ASCC3: variants seen among roughly 807,000 people sequenced by gnomAD.
ASCC3 encodes the protein ASC-1 complex subunit P200.
A neutral mutation model predicts 256.3 loss-of-function variants in ASCC3; 158 were observed. The observed-to-expected ratio is 0.62, with a 90% confidence interval of 0.54 to 0.70. The LOEUF (loss-of-function observed/expected upper bound fraction) is 0.70. Among genes scored for constraint, ASCC3 ranks in the 30% least tolerant of loss-of-function variants. The pLI is 0.00. For synonymous variants in ASCC3, 948 were observed against 883.4 expected, an observed-to-expected ratio of 1.07 and a Z score of -1.30; for missense variants, 2,259 against 2,626.0, an observed-to-expected ratio of 0.86 and a Z score of 3.05.
At chr6:100,772,209 A>C (rs973030246) in intron 8 of ASCC3, among the ~76,000 whole-genome samples, 1 of 152,162 alleles carries the variant, frequency 6.6e-6, no homozygotes, top group African/African-American at 2.4e-5. Context: ...AAAGTTAAAC[A>C]AACATACACC....
At chr6:100,616,285 T>C (rs372375320) in intron 30 of ASCC3, among the ~76,000 whole-genome samples, 20 of 152,214 alleles carry the variant, frequency 1.3e-4, no homozygotes, top group African/African-American at 4.8e-4. Flanking sequence ...GGATTATGTT[T>C]AGCTTAAAAT....
At chr6:100,814,901 T>A (rs1433577814) in intron 4 of ASCC3, among the ~76,000 whole-genome samples, 2 of 152,126 alleles carry the variant, frequency 1.3e-5, no homozygotes, top group Non-Finnish European at 2.9e-5. Context: ...GAATTCTTGA[T>A]CATTTGAATA....
intron 5 of ASCC3, among the ~76,000 whole-genome samples, chr6:100,803,956 T>C (rs932034875): frequency 4.0e-5 from 6 of 151,868 alleles, no homozygotes; most frequent in Non-Finnish European, 7.4e-5. Context: ...CAAAAAACAG[T>C]GTGGTAAAGG....
intron 34 of ASCC3, among the ~76,000 whole-genome samples, chr6:100,600,203 ATG>A (rs1491335305): frequency 2.9e-5 from 3 of 102,848 alleles, no homozygotes; most frequent in Admixed American, 1.1e-4. Flanking sequence ...ACACATGCAC[ATG>A]CACACACACA....
rs1414815380 is a variant in ASCC3, at chr6:100,540,226, T to C, written c.5712A>G (p.Leu1904=). ...LLQAHLSRAM[L]PCPDYDTDTK... ...TATCAGTGTCATAATCTGGGCAGGG[T>C]AGCATGGCTCGGCTGAGATGTGCCT... The change falls in exon 37 of 42, where the codon CTA becomes CTG. Residue 1904 remains leucine (L), a synonymous_variant. Transcript: ENST00000369162. The C allele has an allele frequency of 2.5e-6, 4 of 1,614,126 alleles. No homozygotes were observed. Among genetic ancestry groups the C allele is most frequent in the African/African-American group, 2.7e-5 (2 of 75,032 alleles).
At chr6:100,532,335 C>CGCGT (rs1333096090) in intron 37 of ASCC3, among the ~76,000 whole-genome samples, 2 of 99,830 alleles carry the variant, frequency 2.0e-5, no homozygotes, top group Non-Finnish European at 3.7e-5. Context: ...TGCTATCTTG[C>CGCGT]GTGTGTGTGT....
chr6:100,577,264 A>G (rs549433372), intron 36 of ASCC3, among the ~76,000 whole-genome samples: 2 of 152,022 alleles, frequency 1.3e-5, no homozygotes, highest in African/African-American at 4.8e-5. Flanking sequence ...TTTTTGGCCT[A>G]TATTATATCT....
chr6:100,687,069 G>C (rs868627803), intron 13 of ASCC3, among the ~76,000 whole-genome samples: 3,333 of 72,570 alleles, frequency 0.046, 60 homozygotes, highest in Middle Eastern at 0.22. Flanking sequence ...CACACACACA[G>C]ACCTGATCTC....
At chr6:100,587,715 G>C (rs1771775967) in intron 36 of ASCC3, among the ~76,000 whole-genome samples, 1 of 152,128 alleles carries the variant, frequency 6.6e-6, no homozygotes, top group Admixed American at 6.5e-5. Context: ...CATTTATTTA[G>C]TTATTAACTG....
At chr6:100,794,608 ATTCT>A (rs1769513712) in intron 8 of ASCC3, among the ~76,000 whole-genome samples, 1 of 152,108 alleles carries the variant, frequency 6.6e-6, no homozygotes. Flanking sequence ...ATAATATCCT[ATTCT>A]TTATTTTCCC....
intron 8 of ASCC3, among the ~76,000 whole-genome samples, chr6:100,787,826 C>A (rs777128931): frequency 2.6e-5 from 4 of 151,888 alleles, no homozygotes; most frequent in Non-Finnish European, 4.4e-5. Flanking sequence ...TATATAAAAA[C>A]CAATTATAAA....
intron 36 of ASCC3, among the ~76,000 whole-genome samples, chr6:100,541,715 T>C (rs573196635): frequency 1.3e-5 from 2 of 152,272 alleles, no homozygotes; most frequent in South Asian, 2.1e-4. Flanking sequence ...ATCCAATTAA[T>C]GATTATCAAC....
intron 4 of ASCC3, among the ~76,000 whole-genome samples, chr6:100,834,394 A>C (rs1178962236): frequency 6.6e-6 from 1 of 152,230 alleles, no homozygotes; most frequent in African/African-American, 2.4e-5. Flanking sequence ...TATATTTGTC[A>C]TCACTGGGTT....
intron 4 of ASCC3, among the ~76,000 whole-genome samples, chr6:100,826,333 A>G (rs1353904880): frequency 6.6e-6 from 1 of 152,070 alleles, no homozygotes; most frequent in Non-Finnish European, 1.5e-5. Context: ...GGGTTTCACC[A>G]TATTGGCCAG....
At chr6:100,772,825 C>A (rs1342471601) in intron 8 of ASCC3, among the ~76,000 whole-genome samples, 1 of 152,174 alleles carries the variant, frequency 6.6e-6, no homozygotes, top group Non-Finnish European at 1.5e-5. Flanking sequence ...TTTATTTTCT[C>A]CTCTGCAAGG....
intron 36 of ASCC3, among the ~76,000 whole-genome samples, chr6:100,574,466 T>C (rs1023995677): frequency 1.3e-5 from 2 of 152,040 alleles, no homozygotes; most frequent in African/African-American, 4.8e-5. Context: ...TCCATAGTAG[T>C]TGTGTCATCT....
chr6:100,805,739 G>T lies in ASCC3; in HGVS notation c.922+21C>A. On this transcript the variant is annotated intron_variant, in intron 5 of 41. Coordinates refer to ENST00000369162, the MANE Select transcript of ASCC3 (RefSeq NM_006828.4). Reference sequence around the variant, plus strand: ...ATGAATATTTCCTTTAAATTACAATGACCACTGCATACTTTCTTACCTTGA... The same window carrying T: ...ATGAATATTTCCTTTAAATTACAATTACCACTGCATACTTTCTTACCTTGA... 3 of 1,606,730 alleles carry T rather than the reference G, an allele frequency of 1.9e-6. No individual in the cohort carries two copies. The South Asian group carries it at 3.3e-5, about 18-fold the overall frequency.
chr6:100,586,633 C>A (rs898875203), intron 36 of ASCC3, among the ~76,000 whole-genome samples: 1 of 152,122 alleles, frequency 6.6e-6, no homozygotes, highest in African/African-American at 2.4e-5. Flanking sequence ...GAGATGAACC[C>A]GGTACCTCAG....
chr6:100,649,906 G>A (rs1775572257), intron 20 of ASCC3, among the ~76,000 whole-genome samples: 1 of 151,058 alleles, frequency 6.6e-6, no homozygotes, highest in Admixed American at 6.6e-5. Flanking sequence ...ATAAGGGCTT[G>A]AATATAAAAA....
Sources: allele counts gnomAD v4.1 joint callset (sites outside exome capture counted in the v4.1 genomes callset), GRCh38; gene constraint gnomAD v4.1.1; transcripts MANE v1.5; gene names NCBI Gene and HGNC (gene_info 2026-07-23, HGNC 2026-07-21).